The following PLCB1 variants were observed in gnomAD, a reference collection of about 807,000 sequenced individuals.
The protein encoded by PLCB1 is phospholipase C beta 1, also known as 1-phosphatidylinositol 4,5-bisphosphate phosphodiesterase beta-1.
In PLCB1, 46 loss-of-function variants were observed where a neutral mutation model predicts 161.8. The observed-to-expected ratio is 0.28, with a 90% CI of 0.22 to 0.36. PLCB1 has a LOEUF of 0.36. Among genes scored for constraint, PLCB1 ranks in the 10% least tolerant of loss-of-function variants. PLCB1 has a pLI of 1.00. For missense variants in PLCB1, 1,016 were observed against 1,472.5 expected, an observed-to-expected ratio of 0.69 and a Z score of 5.07; for synonymous variants, 517 against 503.7, an observed-to-expected ratio of 1.03 and a Z score of -0.35.
chr20:8,554,465 A>T (rs1326086243), intron 3 of PLCB1, among the ~76,000 whole-genome samples: 4 of 152,170 alleles, frequency 2.6e-5, no homozygotes, highest in Non-Finnish European at 5.9e-5. Flanking sequence ...CTAGTGATGA[A>T]TCTCAAAATT....
chr20:8,180,364 G>C (rs1469624109), intron 2 of PLCB1, among the ~76,000 whole-genome samples: 1 of 152,118 alleles, frequency 6.6e-6, no homozygotes, highest in African/African-American at 2.4e-5. Flanking sequence ...CTAGTATTTT[G>C]TTAAGGATTT....
intron 27 of PLCB1, among the ~76,000 whole-genome samples, chr20:8,784,114 A>T (rs925659594): frequency 1.3e-5 from 2 of 152,236 alleles, no homozygotes; most frequent in African/African-American, 4.8e-5. Flanking sequence ...TCCCATTGCC[A>T]ATTTAATGTG....
At chr20:8,303,400 T>G (rs1600299489) in intron 2 of PLCB1, among the ~76,000 whole-genome samples, 1 of 152,148 alleles carries the variant, frequency 6.6e-6, no homozygotes, top group African/African-American at 2.4e-5. Flanking sequence ...CAAAGATGAA[T>G]ATAGATTTTA....
intron 2 of PLCB1, among the ~76,000 whole-genome samples, chr20:8,288,497 T>C (rs2123297210): frequency 6.6e-6 from 1 of 152,326 alleles, no homozygotes; most frequent in South Asian, 2.1e-4. Context: ...ACAGAAGGTC[T>C]AGCCTCAACC....
chr20:8,145,478 G>A lies in PLCB1; in HGVS notation c.100-4816G>A, dbSNP rs143541837. Among the ~76,000 whole-genome samples, 541 of 152,348 alleles carry A rather than the reference G, an allele frequency of 3.6e-3. 1 individual carries two copies. Among genetic ancestry groups the A allele is most frequent in the Middle Eastern group, 0.014 (4 of 294 alleles). On this transcript the variant is annotated intron_variant, in intron 1 of 31. Transcript: ENST00000338037. ...GTGACATACCTCCGCCTGGTAAAGC[G>A]TAGCTCAGAGGGTAGCAACATGACA...
At chr20:8,682,929 C>T (rs924484631) in intron 9 of PLCB1, among the ~76,000 whole-genome samples, 2 of 151,978 alleles carry the variant, frequency 1.3e-5, no homozygotes, top group Non-Finnish European at 2.9e-5. Flanking sequence ...AAAGATGTAA[C>T]CATCAGAGCA....
At chr20:8,435,560 A>G (rs1600398397) in intron 3 of PLCB1, among the ~76,000 whole-genome samples, 1 of 152,162 alleles carries the variant, frequency 6.6e-6, no homozygotes, top group South Asian at 2.1e-4. Flanking sequence ...TCAAGGAAAT[A>G]TGACAGCCTC....
intron 3 of PLCB1, among the ~76,000 whole-genome samples, chr20:8,454,589 C>T (rs1019620555): frequency 1.3e-5 from 2 of 152,102 alleles, no homozygotes; most frequent in Non-Finnish European, 2.9e-5. Context: ...CAGGATGACT[C>T]ACTGGTTATT....
intron 2 of PLCB1, among the ~76,000 whole-genome samples, chr20:8,270,566 A>G (rs1982232134): frequency 6.6e-6 from 1 of 152,124 alleles, no homozygotes; most frequent in African/African-American, 2.4e-5. Flanking sequence ...GAGAAACTAT[A>G]TGTGCTTAGA....
chr20:8,824,593 A>G (rs1985597401), intron 31 of PLCB1, among the ~76,000 whole-genome samples: 1 of 152,198 alleles, frequency 6.6e-6, no homozygotes, highest in African/African-American at 2.4e-5. Context: ...TGAGATGATG[A>G]GGCTTGCATA....
chr20:8,539,630 TTCTTTC>T (rs1293943912), intron 3 of PLCB1, among the ~76,000 whole-genome samples: 1 of 62,952 alleles, frequency 1.6e-5, no homozygotes, highest in Admixed American at 2.0e-4. Context: ...CTTTCTTTCT[TTCTTTC>T]TTTCTTTCTT....
intron 10 of PLCB1, among the ~76,000 whole-genome samples, chr20:8,693,715 C>T (rs1318940854): frequency 1.3e-5 from 2 of 152,150 alleles, no homozygotes; most frequent in African/African-American, 4.8e-5. Context: ...AAAAATTCTT[C>T]AGAAGTTTGT....
chr20:8,878,863 G>C (rs1292383145), intron 31 of PLCB1, among the ~76,000 whole-genome samples: 2 of 151,936 alleles, frequency 1.3e-5, no homozygotes, highest in Admixed American at 1.3e-4. Flanking sequence ...ATATATGTAT[G>C]AGTATATTGT....
At chr20:8,314,352 G>C (rs975405701) in intron 2 of PLCB1, among the ~76,000 whole-genome samples, 4 of 152,140 alleles carry the variant, frequency 2.6e-5, no homozygotes, top group Middle Eastern at 3.2e-3. Context: ...TGGAGAAATA[G>C]TAATGATATT....
At chr20:8,823,530 C>A (rs558576651) in intron 31 of PLCB1, among the ~76,000 whole-genome samples, 1 of 152,324 alleles carries the variant, frequency 6.6e-6, no homozygotes, top group Admixed American at 6.5e-5. Context: ...TGCCTAGGGA[C>A]AACTGTATTA....
intron 3 of PLCB1, among the ~76,000 whole-genome samples, chr20:8,610,882 A>G (rs1021039622): frequency 1.3e-5 from 2 of 151,942 alleles, no homozygotes; most frequent in South Asian, 2.1e-4. Context: ...TGATTTTTGC[A>G]TATAGTGTGA....
chr20:8,851,085 T>C (rs1986870373), intron 31 of PLCB1, among the ~76,000 whole-genome samples: 1 of 152,234 alleles, frequency 6.6e-6, no homozygotes, highest in Non-Finnish European at 1.5e-5. Flanking sequence ...TTAAAAATGT[T>C]TCCTTGCTTT....
rs1199214429 is a variant in PLCB1 at position 8,831,917 on chromosome 20, T to C, written c.3423+41656T>C. 3.2e-4 allele frequency among the ~76,000 whole-genome samples: 5 copies of C among 15,782 alleles called. No individual in the cohort carries two copies. The East Asian group carries it at 4.9e-3, about 15-fold the overall frequency. 10.4% of individuals were successfully genotyped at this position (15,782 alleles called of 152,430 possible). A position where few individuals can be genotyped will look rare whatever the true frequency, so the allele number is the denominator to read the frequency against. On this transcript the variant is annotated intron_variant, in intron 31 of 31. Coordinates refer to ENST00000338037, the MANE Select transcript of PLCB1 (RefSeq NM_015192.4). Reference sequence around the variant, plus strand: ...CTTTCTCCCTCTCTTTCTTTCTCTTTCTTTCTTTCTTTCTTTCTTTCTTTC... The same window carrying C: ...CTTTCTCCCTCTCTTTCTTTCTCTTCCTTTCTTTCTTTCTTTCTTTCTTTC...
chr20:8,290,830 G>A (rs1052784223), intron 2 of PLCB1, among the ~76,000 whole-genome samples: 1 of 152,030 alleles, frequency 6.6e-6, no homozygotes, highest in African/African-American at 2.4e-5. Context: ...CTTTAACTAA[G>A]GCAGTTGTCC....
Sources: gnomAD v4.1 joint callset for allele counts (sites outside exome capture counted in the v4.1 genomes callset) on GRCh38, gnomAD v4.1.1 for gene constraint, MANE v1.5 for transcripts, NCBI Gene and HGNC (gene_info 2026-07-23, HGNC 2026-07-21) for gene names.